Variants in LPP observed in about 807,000 individuals in gnomAD.
The protein encoded by LPP is LIM domain containing preferred translocation partner in lipoma, also known as lipoma-preferred partner.
Under a neutral mutation model 60.4 loss-of-function variants are expected in LPP, and 38 were observed. The ratio of observed to expected loss-of-function variants is 0.63; its 90% CI spans 0.49 to 0.83. LPP has a LOEUF of 0.83. LPP is among the 40% of genes least tolerant of loss of function. The pLI is 0.00. For missense variants in LPP, 902 were observed against 783.6 expected, an observed-to-expected ratio of 1.15 and a Z score of -1.80; for synonymous variants, 328 against 290.8, an observed-to-expected ratio of 1.13 and a Z score of -1.30.
chr3:188,453,260 C>T (rs950035121), intron 4 of LPP, among the ~76,000 whole-genome samples: 1 of 152,084 alleles, frequency 6.6e-6, no homozygotes, highest in African/African-American at 2.4e-5. Context: ...GCTTAATGGA[C>T]TCTGGAAGCC....
chr3:188,451,858 T>C (rs1796661158), intron 4 of LPP, among the ~76,000 whole-genome samples: 1 of 151,962 alleles, frequency 6.6e-6, no homozygotes, highest in African/African-American at 2.4e-5. Flanking sequence ...GAAACCAGAG[T>C]TGTTTTGAGG....
chr3:188,781,537 G>A lies in LPP; in HGVS notation c.1410+21255G>A, dbSNP rs139931993. ...ATGGTGGAAGGCACCTCTTCACAGG[G>A]TGGCAGGAGAGAGAATGAGAGACAA... On this transcript the variant is annotated intron_variant, in intron 9 of 11. Coordinates refer to ENST00000617246, the MANE Select transcript of LPP (RefSeq NM_001375462.1). 8.5e-5 allele frequency among the ~76,000 whole-genome samples: 13 copies of A among 152,070 alleles called. No individual in the cohort carries two copies. The East Asian group carries it at 9.7e-4, about 11-fold the overall frequency.
At chr3:188,219,945 C>T (rs1057302595) in intron 1 of LPP, among the ~76,000 whole-genome samples, 4 of 152,190 alleles carry the variant, frequency 2.6e-5, no homozygotes, top group African/African-American at 9.7e-5. Flanking sequence ...ACCACCTGCT[C>T]TCCCATCCAT....
rs1219389766 is a variant in LPP at position 188,610,170 on chromosome 3, T to C, written c.1113+326T>C. ...TTTATTTTTCACATCCTTCCCTATA[T>C]TGGTTAAAGCTTCCCTCTGTTGTGC... On this transcript the variant is annotated intron_variant, in intron 7 of 11. Coordinates refer to ENST00000617246, the MANE Select transcript of LPP (RefSeq NM_001375462.1). This position sits in a 1 kb window ranked among gnomAD's most constrained non-coding sequence, Gnocchi z 4.4. Among the ~76,000 whole-genome samples, 1 of 152,216 alleles carries C rather than the reference T, an allele frequency of 6.6e-6. No homozygotes were observed. The highest frequency in any genetic ancestry group is 1.9e-4 in the East Asian group (1 of 5,196).
At chr3:188,623,258 CTTTTTTT>C (rs112468971) in intron 7 of LPP, among the ~76,000 whole-genome samples, 1 of 135,996 alleles carries the variant, frequency 7.4e-6, no homozygotes, top group Non-Finnish European at 1.6e-5. Context: ...TATGAAGATA[CTTTTTTT>C]TTTTTTTTTT....
In LPP at chr3:188,741,207, A is replaced by G. The variant is rs758220450; in HGVS notation, c.1241-18906A>G. On this transcript the variant is annotated intron_variant, in intron 8 of 11. Transcript: ENST00000617246. ...AAAAAAGTAGACCCTTCCTTGATAC[A>G]CTTGGTCCCACCGAGGTTCAAAGTT... is the stretch of plus-strand genomic sequence containing the variant. Among the ~76,000 whole-genome samples, 4 of 151,432 alleles carry G rather than the reference A, an allele frequency of 2.6e-5. No individual in the cohort carries two copies. The East Asian group carries it at 7.7e-4, about 29-fold the overall frequency.
chr3:188,526,895 T>C (rs535620947), intron 6 of LPP, among the ~76,000 whole-genome samples: 1 of 152,280 alleles, frequency 6.6e-6, no homozygotes, highest in Middle Eastern at 3.4e-3. Context: ...TATGTGAGGA[T>C]ATGGCCTATA....
At position 188,785,547 on chromosome 3, in the gene LPP, T is replaced by TATATATATATATATATACACAC. The variant is rs1206082559; in HGVS notation, c.1410+25266_1410+25267insTATATATATATATATACACACA. Among the ~76,000 whole-genome samples, 66 of 43,844 alleles carry TATATATATATATATATACACAC rather than the reference T, an allele frequency of 1.5e-3. 7 individuals are homozygous for TATATATATATATATATACACAC. Among genetic ancestry groups the TATATATATATATATATACACAC allele is most frequent in the East Asian group, 0.012 (5 of 406 alleles). The allele number at this position is 43,844 out of a possible 152,430, so 28.8% of individuals were successfully genotyped here. A position where few individuals can be genotyped will look rare whatever the true frequency, so the allele number is the denominator to read the frequency against. On this transcript the variant is annotated intron_variant, in intron 9 of 11. Coordinates refer to ENST00000617246, the MANE Select transcript of LPP (RefSeq NM_001375462.1). ...ATATATATTCCATCATATATATATA[T>TATATATATATATATATACACAC]ACACACACACACACACACACACACA...
At chr3:188,380,315 T>A (rs115080516) in intron 3 of LPP, among the ~76,000 whole-genome samples, 5,668 of 152,382 alleles carry the variant, frequency 0.037, 151 homozygotes, top group Non-Finnish European at 0.061. Context: ...GCACTTGCCA[T>A]GAGGCAGCAT....
chr3:188,237,893 G>A (rs1722487566), intron 2 of LPP, among the ~76,000 whole-genome samples: 1 of 152,178 alleles, frequency 6.6e-6, no homozygotes, highest in South Asian at 2.1e-4. Context: ...GAGTTACCCT[G>A]TCCTTTGAAG....
At chr3:188,191,965 T>C (rs1679182) in intron 1 of LPP, among the ~76,000 whole-genome samples, 23,234 of 152,104 alleles carry the variant, frequency 0.15, 2,528 homozygotes, top group East Asian at 0.54. Flanking sequence ...TGAGGAGGTT[T>C]GAGGGTTCCT....
intron 3 of LPP, among the ~76,000 whole-genome samples, chr3:188,343,683 C>A (rs1331755757): frequency 1.3e-5 from 2 of 152,114 alleles, no homozygotes; most frequent in African/African-American, 4.8e-5. Flanking sequence ...AAATTACTCT[C>A]AAGAAAGAGG....
chr3:188,198,300 C>A (rs1730102360), intron 1 of LPP, among the ~76,000 whole-genome samples: 1 of 152,178 alleles, frequency 6.6e-6, no homozygotes, highest in South Asian at 2.1e-4. Context: ...AACAATATAC[C>A]TTATTGTTTT....
intron 3 of LPP, among the ~76,000 whole-genome samples, chr3:188,345,199 A>G (rs1764002332): frequency 6.6e-6 from 1 of 152,166 alleles, no homozygotes; most frequent in Non-Finnish European, 1.5e-5. Flanking sequence ...AGTTCTTAAA[A>G]GGCCATTATC....
chr3:188,163,861 G>T (rs1842305), intron 1 of LPP, among the ~76,000 whole-genome samples: 5 of 150,146 alleles, frequency 3.3e-5, no homozygotes, highest in Non-Finnish European at 7.4e-5. Context: ...TGAGGCAGGA[G>T]AATCGCTTGA....
intron 9 of LPP, among the ~76,000 whole-genome samples, chr3:188,797,247 G>A (rs1345141713): frequency 2.0e-5 from 3 of 152,128 alleles, no homozygotes; most frequent in African/African-American, 7.2e-5. Context: ...AGTCAATAGC[G>A]TGAGAAGTCT....
At chr3:188,662,468 A>C (rs555579435) in intron 7 of LPP, among the ~76,000 whole-genome samples, 17 of 152,362 alleles carry the variant, frequency 1.1e-4, no homozygotes, top group African/African-American at 3.8e-4. Flanking sequence ...GTGGCCTGAT[A>C]GAATTTGTTT....
intron 2 of LPP, among the ~76,000 whole-genome samples, chr3:188,318,852 G>A (rs918299846): frequency 4.6e-4 from 66 of 142,746 alleles, no homozygotes; most frequent in Non-Finnish European, 8.1e-4. Flanking sequence ...TCCGCCTCCC[G>A]GGTTCACGCC....
At chr3:188,297,612 A>G (rs1405295767) in intron 2 of LPP, among the ~76,000 whole-genome samples, 1 of 152,206 alleles carries the variant, frequency 6.6e-6, no homozygotes, top group South Asian at 2.1e-4. Flanking sequence ...CTGAACAGCT[A>G]TCTTGGTTAT....
Sources: gnomAD v4.1 joint callset for allele counts (sites outside exome capture counted in the v4.1 genomes callset) on GRCh38, gnomAD v4.1.1 for gene constraint, Gnocchi (gnomAD v3.1) non-coding constraint, MANE v1.5 for transcripts, NCBI Gene and HGNC (gene_info 2026-07-23, HGNC 2026-07-21) for gene names.